PPP1R1C: variants seen among roughly 807,000 people sequenced by gnomAD.
PPP1R1C encodes protein phosphatase 1 regulatory inhibitor subunit 1C, also known as protein phosphatase 1 regulatory subunit 1C.
A neutral mutation model predicts 17.4 loss-of-function variants in PPP1R1C; 15 were observed. That is an observed-to-expected ratio of 0.86 (90% confidence interval 0.58 to 1.33). PPP1R1C has a LOEUF of 1.33. Ranked by LOEUF, PPP1R1C falls within the 40% of genes most tolerant of loss-of-function variation. The pLI, the probability that PPP1R1C is intolerant of heterozygous loss-of-function variation, is 0.00. For missense variants in PPP1R1C, 143 were observed against 130.0 expected (o/e 1.10, Z -0.48); for synonymous variants, 35 against 43.1 (o/e 0.81, Z 0.73).
In PPP1R1C at chr2:181,967,609, G is replaced by A. The variant is rs530878590; in HGVS notation, n.112-7610G>A. On this transcript the variant is annotated intron_variant and non_coding_transcript_variant, in intron 1 of 5. Transcript: ENST00000464264. This position sits in a 1 kb window ranked among gnomAD's most constrained non-coding sequence, Gnocchi z 5.5. Reference sequence around the variant, plus strand: ...TTCCATATGTTTGTAAAGTCCCAAAGTTTGTGTTTCTGTTGTTATCAATTT... The same window carrying A: ...TTCCATATGTTTGTAAAGTCCCAAAATTTGTGTTTCTGTTGTTATCAATTT... Among the ~76,000 whole-genome samples, 14 of 152,128 alleles carry A rather than the reference G, an allele frequency of 9.2e-5. No homozygotes were observed. Among genetic ancestry groups the A allele is most frequent in the African/African-American group, 3.4e-4 (14 of 41,534 alleles).
chr2:182,121,695 G>A (rs1689736834), downstream of PPP1R1C, among the ~76,000 whole-genome samples: 1 of 151,978 alleles, frequency 6.6e-6, no homozygotes, highest in Admixed American at 6.6e-5. Flanking sequence ...GTAGAGACGG[G>A]GTTTCGCCAT....
At chr2:182,024,206 G>A (rs1000852916) in intron 2 of PPP1R1C, among the ~76,000 whole-genome samples, 7 of 152,158 alleles carry the variant, frequency 4.6e-5, no homozygotes, top group African/African-American at 1.4e-4. Context: ...AGTTAAAAAG[G>A]ACTTAGCATG....
At chr2:181,982,251 CAG>C (rs1685206756), upstream of PPP1R1C, among the ~76,000 whole-genome samples, 1 of 151,942 alleles carries the variant, frequency 6.6e-6, no homozygotes, top group South Asian at 2.1e-4. Context: ...ACTCTAAAAA[CAG>C]TCATAAGAAC....
intron 4 of PPP1R1C, among the ~76,000 whole-genome samples, chr2:182,085,804 G>A (rs6739655): frequency 0.32 from 49,302 of 151,976 alleles, 9,445 homozygotes; most frequent in Non-Finnish European, 0.42. Flanking sequence ...AAAATGGGGC[G>A]GGTGAGCAGG....
intron 2 of PPP1R1C, among the ~76,000 whole-genome samples, chr2:182,054,031 G>A (rs1267141806): frequency 6.6e-6 from 1 of 151,890 alleles, no homozygotes; most frequent in African/African-American, 2.4e-5. Context: ...TCTTCCTTAT[G>A]TCTGTTTACC....
chr2:182,100,628 A>T (rs981556494), intron 4 of PPP1R1C, among the ~76,000 whole-genome samples: 1 of 152,146 alleles, frequency 6.6e-6, no homozygotes, highest in East Asian at 1.9e-4. Context: ...GGTCACTTCC[A>T]TTATTAAGTG....
chr2:182,105,344 C>T (rs942652308), intron 4 of PPP1R1C, among the ~76,000 whole-genome samples: 1 of 152,100 alleles, frequency 6.6e-6, no homozygotes, highest in African/African-American at 2.4e-5. Flanking sequence ...AAATTGTGGT[C>T]AAAAATTTTA....
At chr2:182,019,548 G>T (rs147022822) in intron 2 of PPP1R1C, among the ~76,000 whole-genome samples, 1 of 152,102 alleles carries the variant, frequency 6.6e-6, no homozygotes, top group South Asian at 2.1e-4. Context: ...CTTTAGAAGC[G>T]TCCCAAAATA....
intron 2 of PPP1R1C, among the ~76,000 whole-genome samples, chr2:181,979,074 G>C (rs1235609703): frequency 6.6e-6 from 1 of 152,124 alleles, no homozygotes; most frequent in Non-Finnish European, 1.5e-5. Context: ...AAATAGTTAA[G>C]AGTTTTATCC....
At chr2:182,051,301 A>G (rs1318845444) in intron 2 of PPP1R1C, among the ~76,000 whole-genome samples, 1 of 152,144 alleles carries the variant, frequency 6.6e-6, no homozygotes, top group Non-Finnish European at 1.5e-5. Flanking sequence ...TGTAGCCATC[A>G]CTCTCTTGTT....
chr2:182,112,423 C>T (rs879719836), intron 4 of PPP1R1C, among the ~76,000 whole-genome samples: 3 of 151,950 alleles, frequency 2.0e-5, no homozygotes, highest in African/African-American at 4.8e-5. Context: ...AAAGTTATAC[C>T]GAAATCTATC....
intron 4 of PPP1R1C, among the ~76,000 whole-genome samples, chr2:182,074,317 A>G (rs187939142): frequency 3.0e-3 from 461 of 152,236 alleles, no homozygotes; most frequent in African/African-American, 0.01. Context: ...CTAGGGTTAC[A>G]GGCGTGAGAC....
Position 182,061,469 on chromosome 2 carries a change from C to T in PPP1R1C, c.170C>T (p.Thr57Ile), listed in dbSNP as rs1047815364. The T allele has an allele frequency of 1.3e-5, 19 of 1,467,860 alleles. No individual in the cohort carries two copies. The highest frequency in any genetic ancestry group is 1.5e-5 in the Non-Finnish European group (17 of 1,111,808). The allele number at this position is 1,467,860 out of a possible 1,614,324, so 90.9% of individuals were successfully genotyped here. The part of the protein sequence containing the change: ...PEIDDKRGPN[T>I]QGELQNASPK... ...ATAGATGACAAGAGGGGGCCCAACA[C>T]ACAAGGGGAAGTAAGTTTTTAAAAA... Residue 57 changes from threonine (T) to isoleucine (I), a missense_variant, in exon 3 of 5, where the codon ACA (threonine) becomes ATA (isoleucine). By Grantham distance (89) the Thr-to-Ile change is moderately conservative. Coordinates refer to ENST00000682840, the MANE Select transcript of PPP1R1C (RefSeq NM_001080545.3).
Position 181,961,397 on chromosome 2 carries a change from C to G in PPP1R1C, n.111+6763C>G. ...TTGATGTTCAGCAGAGCCTCGTACT[C>G]CCCGATCTGGTGCTGTCCCTCTGCC... On this transcript the variant is annotated intron_variant and non_coding_transcript_variant, in intron 1 of 5. Coordinates refer to the PPP1R1C transcript ENST00000464264. This position sits in a 1 kb window ranked among gnomAD's most constrained non-coding sequence, Gnocchi z 5.8. 1 of 723,902 alleles carries G rather than the reference C, an allele frequency of 1.4e-6. No homozygotes were observed. The highest frequency in any genetic ancestry group is 1.5e-5 in the South Asian group (1 of 68,458). The allele number at this position is 723,902 out of a possible 1,614,324, so 44.8% of individuals were successfully genotyped here. A position where few individuals can be genotyped will look rare whatever the true frequency, so the allele number is the denominator to read the frequency against.
At chr2:182,111,940 G>T (rs1426797499) in intron 4 of PPP1R1C, among the ~76,000 whole-genome samples, 1 of 152,020 alleles carries the variant, frequency 6.6e-6, no homozygotes, top group Non-Finnish European at 1.5e-5. Flanking sequence ...TAGGCACCAG[G>T]TTTGCTGTTT....
At chr2:181,987,088 T>A (rs372475176) in intron 1 of PPP1R1C, among the ~76,000 whole-genome samples, 9 of 152,208 alleles carry the variant, frequency 5.9e-5, no homozygotes, top group Admixed American at 5.9e-4. Context: ...CATGTGTCTA[T>A]CCATGCTGAA....
intron 2 of PPP1R1C, among the ~76,000 whole-genome samples, chr2:182,058,803 T>A (rs1457419217): frequency 6.6e-6 from 1 of 152,174 alleles, no homozygotes; most frequent in Non-Finnish European, 1.5e-5. Flanking sequence ...TAGGCTTTCC[T>A]TAGCGTTGTC....
chr2:181,978,376 C>T (rs1198809638), intron 2 of PPP1R1C, among the ~76,000 whole-genome samples: 1 of 152,138 alleles, frequency 6.6e-6, no homozygotes, highest in Non-Finnish European at 1.5e-5. Flanking sequence ...CAGAGCAATG[C>T]CAGAGTGTTT....
At chr2:182,113,937 C>T (rs1689510736) in intron 4 of PPP1R1C, among the ~76,000 whole-genome samples, 1 of 152,176 alleles carries the variant, frequency 6.6e-6, no homozygotes, top group East Asian at 1.9e-4. Context: ...CACTCAGTTA[C>T]TTCACAACTT....
Sources: allele counts gnomAD v4.1 joint callset (sites outside exome capture counted in the v4.1 genomes callset), GRCh38; gene constraint gnomAD v4.1.1; non-coding constraint Gnocchi (gnomAD v3.1); transcripts MANE v1.5; gene names NCBI Gene and HGNC (gene_info 2026-07-23, HGNC 2026-07-21).